The following NECAB2 variants were observed in gnomAD, a reference collection of about 807,000 sequenced individuals.
The protein encoded by NECAB2 is N-terminal EF-hand calcium-binding protein 2.
Under a neutral mutation model 51.9 loss-of-function variants are expected in NECAB2, and 68 were observed. The observed-to-expected ratio is 1.31, with a 90% CI of 1.08 to 1.60. The LOEUF is 1.60. Ranked by LOEUF, NECAB2 falls within the 40% of genes most tolerant of loss-of-function variation. The pLI, the probability that NECAB2 is intolerant of heterozygous loss-of-function variation, is 0.00. For missense variants in NECAB2, 854 were observed against 490.3 expected (o/e 1.74, Z -7.00); for synonymous variants, 329 against 203.5 (o/e 1.62, Z -5.25).
At position 83,994,378 on chromosome 16, in the gene NECAB2, C is replaced by T. The variant is rs754962018; in HGVS notation, c.673C>T (p.His225Tyr). 1.2e-6 allele frequency: 2 copies of T among 1,614,080 alleles called. No homozygotes were observed. The highest frequency in any genetic ancestry group is 1.7e-6 in the Non-Finnish European group (2 of 1,180,038). The change falls in exon 7 of 13, where the codon CAC becomes TAC. Residue 225 changes from histidine to tyrosine, a missense_variant. Coordinates refer to ENST00000305202, the MANE Select transcript of NECAB2 (RefSeq NM_019065.3). ...GSPTPASAPNHKLMAMEQGKT... is the reference protein window; with the variant it reads ...GSPTPASAPNYKLMAMEQGKT... ...CCCCACTCCCGCCTCTGCCCCCAAC[C>T]ACAAGCTCATGGCTATGGAACAAGG...
intron 11 of NECAB2, among the ~76,000 whole-genome samples, 189 bp from the exon 12 acceptor site, chr16:84,001,636 G>C (rs886380745): frequency 2.6e-5 from 4 of 152,158 alleles, no homozygotes; most frequent in Non-Finnish European, 5.9e-5. Flanking sequence ...AAAAAGAGAA[G>C]CTCACTGCCC....
At chr16:83,985,163 A>G (rs1025573566) in intron 5 of NECAB2, among the ~76,000 whole-genome samples, 1 of 151,712 alleles carries the variant, frequency 6.6e-6, no homozygotes, top group Admixed American at 6.6e-5. Flanking sequence ...AAATACAAAA[A>G]TTAGCCGAGC....
At chr16:83,998,181 A>C (rs574041085) in intron 9 of NECAB2, 24 bp from the exon 10 acceptor site, 3 of 1,601,122 alleles carry the variant, frequency 1.9e-6, no homozygotes, top group African/African-American at 2.7e-5. Context: ...GGAGCCCCAC[A>C]CTGACTCCTG....
At chr16:83,977,156 C>G (rs142682392) in intron 2 of NECAB2, among the ~76,000 whole-genome samples, 161 of 152,338 alleles carry the variant, frequency 1.1e-3, no homozygotes, top group African/African-American at 3.6e-3. Context: ...GTCCCAAGCA[C>G]CCAGCTTTGA....
intron 1 of NECAB2, 146 bp from the exon 2 acceptor site, chr16:83,972,005 G>T (rs1597193239): frequency 1.9e-6 from 2 of 1,065,406 alleles, no homozygotes. Context: ...CCCAGCCCGG[G>T]GAGGGGGAGA....
In NECAB2 at chr16:83,972,003, G is replaced by A. The variant is rs577522099; in HGVS notation, c.202-148G>A. 1.6e-4 allele frequency: 167 copies of A among 1,048,350 alleles called. 1 individual carries two copies. Among genetic ancestry groups the A allele is most frequent in the African/African-American group, 1.4e-3 (88 of 62,782 alleles). The allele number at this position is 1,048,350 out of a possible 1,614,324, so 64.9% of individuals were successfully genotyped here. A position where few individuals can be genotyped will look rare whatever the true frequency, so the allele number is the denominator to read the frequency against. On this transcript the variant is annotated intron_variant, in intron 1 of 12. Transcript: ENST00000305202. The stretch of plus-strand genomic sequence containing the variant: ...ATCAGTTCCCCCTGGATCCCAGCCC[G>A]GGGAGGGGGAGAGGGAAGGGGGGCT...
chr16:84,001,738 T>A, intron 11 of NECAB2, 87 bp from the exon 12 acceptor site: 1 of 1,430,392 alleles, frequency 7.0e-7, no homozygotes, highest in Non-Finnish European at 9.8e-7. Flanking sequence ...AGCTCCCCAT[T>A]TTGGGCTAGA....
chr16:83,988,246 T>G (rs551676644), intron 5 of NECAB2, among the ~76,000 whole-genome samples: 1 of 152,324 alleles, frequency 6.6e-6, no homozygotes, highest in South Asian at 2.1e-4. Context: ...ATTCTTCCCT[T>G]TTTTTATGCT....
rs373972239 is a variant in NECAB2 at position 83,994,379 on chromosome 16, A to G, written c.674A>G (p.His225Arg). The stretch of plus-strand genomic sequence containing the variant: ...CCCACTCCCGCCTCTGCCCCCAACC[A>G]CAAGCTCATGGCTATGGAACAAGGC... Reference protein sequence around the residue: ...GSPTPASAPNHKLMAMEQGKT... With the variant: ...GSPTPASAPNRKLMAMEQGKT... The change falls in exon 7 of 13, where the codon CAC becomes CGC. Residue 225 changes from histidine (H) to arginine (R), a missense_variant. Transcript: ENST00000305202. 5.5e-5 allele frequency: 89 copies of G among 1,613,974 alleles called. No individual in the cohort carries two copies. Among genetic ancestry groups the G allele is most frequent in the Middle Eastern group, 1.6e-4 (1 of 6,084 alleles).
intron 5 of NECAB2, among the ~76,000 whole-genome samples, chr16:83,984,865 T>A (rs2084533093): frequency 6.6e-6 from 1 of 152,248 alleles, no homozygotes; most frequent in South Asian, 2.1e-4. Context: ...CCTGGCACAT[T>A]TATTTAAATT....
At chr16:83,972,395 A>C (rs1304685512) in intron 2 of NECAB2, among the ~76,000 whole-genome samples, 1 of 152,162 alleles carries the variant, frequency 6.6e-6, no homozygotes, top group East Asian at 1.9e-4. Flanking sequence ...GGACAGCTCC[A>C]CTCAAGGGCT....
chr16:83,992,383 C>CCCCA (rs751472845), intron 6 of NECAB2, among the ~76,000 whole-genome samples: 1 of 145,374 alleles, frequency 6.9e-6, no homozygotes, highest in Non-Finnish European at 1.5e-5. Context: ...CCCGTCCCCC[C>CCCCA]GCCCACCTCC....
At chr16:83,977,745 T>C (rs1254866849) in intron 2 of NECAB2, among the ~76,000 whole-genome samples, 1 of 152,172 alleles carries the variant, frequency 6.6e-6, no homozygotes, top group Non-Finnish European at 1.5e-5. Context: ...GAGAACCTCA[T>C]GCCGGCCATT....
chr16:83,998,057 C>A (rs1413219696), intron 9 of NECAB2, 148 bp from the exon 10 acceptor site: 2 of 688,844 alleles, frequency 2.9e-6, no homozygotes, highest in African/African-American at 1.8e-5. Flanking sequence ...CATTTTTAGT[C>A]CATTCTTATC....
At chr16:83,988,831 T>TC (rs909102801) in intron 5 of NECAB2, among the ~76,000 whole-genome samples, 37 of 123,318 alleles carry the variant, frequency 3.0e-4, no homozygotes, top group Admixed American at 1.3e-3. Flanking sequence ...GCAAGCTCAG[T>TC]CCCCCCCCAT....
chr16:83,981,907 C>G (rs1451644583), intron 5 of NECAB2, among the ~76,000 whole-genome samples: 1 of 152,298 alleles, frequency 6.6e-6, no homozygotes, highest in East Asian at 1.9e-4. Flanking sequence ...TCCAGAAAAG[C>G]CCAGCCTTGT....
chr16:84,001,743 G>A (rs35016623), intron 11 of NECAB2, 82 bp from the exon 12 acceptor site: 3 of 1,476,658 alleles, frequency 2.0e-6, no homozygotes, highest in East Asian at 2.3e-5. Flanking sequence ...CCCATTTTGG[G>A]CTAGAGCTAG....
chr16:83,993,495 G>T (rs142153483), intron 6 of NECAB2: 1 of 154,218 alleles, frequency 6.5e-6, no homozygotes, highest in Non-Finnish European at 1.5e-5. Context: ...TGTGTCTTCT[G>T]GGGGAGTGTC....
intron 3 of NECAB2, among the ~76,000 whole-genome samples, chr16:83,979,856 T>C (rs776475836): frequency 1.1e-4 from 17 of 152,156 alleles, no homozygotes; most frequent in Non-Finnish European, 1.9e-4. Flanking sequence ...CCACGAACAT[T>C]AGCCCCTTGG....
Sources: gnomAD v4.1 joint callset for allele counts (sites outside exome capture counted in the v4.1 genomes callset) on GRCh38, gnomAD v4.1.1 for gene constraint, MANE v1.5 for transcripts, NCBI Gene and HGNC (gene_info 2026-07-23, HGNC 2026-07-21) for gene names.